PFKFB4: variants seen among roughly 807,000 people sequenced by gnomAD.
PFKFB4 encodes the protein 6-phosphofructo-2-kinase/fructose-2,6-biphosphatase 4.
Under a neutral mutation model 62.8 loss-of-function variants are expected in PFKFB4, and 42 were observed. The ratio of observed to expected loss-of-function variants is 0.67; its 90% CI spans 0.52 to 0.86. PFKFB4 has a LOEUF of 0.86. Ranked by LOEUF, PFKFB4 falls within the 40% of genes least tolerant of loss-of-function variation. The pLI is 0.00. For missense variants in PFKFB4, 475 were observed against 627.2 expected, an observed-to-expected ratio of 0.76 and a Z score of 2.59; for synonymous variants, 204 against 240.7, an observed-to-expected ratio of 0.85 and a Z score of 1.41.
intron 13 of PFKFB4, among the ~76,000 whole-genome samples, chr3:48,520,570 A>G (rs2042066635): frequency 6.6e-6 from 1 of 152,184 alleles, no homozygotes. Context: ...GGAGAGAGAC[A>G]TGGCCCCCAT....
Position 48,519,152 on chromosome 3 carries a change from G to A in PFKFB4, c.*595C>T, listed in dbSNP as rs1214172257. ...AATGCCCACAACTAAGGGTGACATG[G>A]ATACAACGGCCTGGCCAGTGGCTGC... On this transcript the variant is annotated 3_prime_UTR_variant, in exon 14 of 14. Coordinates refer to ENST00000232375, the MANE Select transcript of PFKFB4 (RefSeq NM_004567.4). 6.6e-6 allele frequency: 1 copy of A among 152,448 alleles called. No individual in the cohort carries two copies. The highest frequency in any genetic ancestry group is 6.5e-5 in the Admixed American group (1 of 15,288). The allele number at this position is 152,448 out of a possible 1,614,324, so 9.4% of individuals were successfully genotyped here. A position where few individuals can be genotyped will look rare whatever the true frequency, so the allele number is the denominator to read the frequency against.
In PFKFB4 at chr3:48,525,646, G is replaced by A. The variant is rs139739913; in HGVS notation, c.1011C>T (p.Tyr337=). 1.2e-4 allele frequency: 192 copies of A among 1,605,524 alleles called. 1 individual carries two copies. Among genetic ancestry groups the A allele is most frequent in the African/African-American group, 9.0e-4 (67 of 74,556 alleles). The change falls in exon 10 of 14, where the codon TAC becomes TAT. Residue 337 remains tyrosine, a synonymous_variant. Coordinates refer to ENST00000232375, the MANE Select transcript of PFKFB4 (RefSeq NM_004567.4). ...GTGGATAATTATCCTGAATTTCCTC[G>A]TAGGTCATTTCCTCACAGACGCCCT... is the stretch of plus-strand genomic sequence containing the variant. The part of the protein sequence containing the change: ...IDAGVCEEMT[Y]EEIQDNYPLE...
In PFKFB4 at chr3:48,518,435, C is replaced by T. The variant is rs1216209240; in HGVS notation, c.*1312G>A. 1.3e-5 allele frequency: 2 copies of T among 152,330 alleles called. No homozygotes were observed. The highest frequency in any genetic ancestry group is 2.9e-5 in the Non-Finnish European group (2 of 68,102). 9.4% of individuals were successfully genotyped at this position (152,330 alleles called of 1,614,324 possible). The stretch of plus-strand genomic sequence containing the variant: ...GGGGCCTGGCTTCCCCAGAGTCCAC[C>T]TGTGGACAGCAGGGCACCCGATTAC... On this transcript the variant is annotated 3_prime_UTR_variant, in exon 14 of 14. Coordinates refer to ENST00000232375, the MANE Select transcript of PFKFB4 (RefSeq NM_004567.4).
chr3:48,539,155 C>T (rs908795539), intron 6 of PFKFB4, 99 bp downstream of exon 6: 2 of 886,872 alleles, frequency 2.3e-6, no homozygotes, highest in African/African-American at 1.6e-5. Context: ...TTCCTCCCTA[C>T]CCCCACAAGG....
At chr3:48,538,035 A>G (rs1397951921) in intron 7 of PFKFB4, among the ~76,000 whole-genome samples, 1 of 152,210 alleles carries the variant, frequency 6.6e-6, no homozygotes, top group Non-Finnish European at 1.5e-5. Context: ...GTGGCCAGCC[A>G]GTCGAACTCA....
At chr3:48,527,598 CTG>C (rs1250111000) in intron 9 of PFKFB4, among the ~76,000 whole-genome samples, 3 of 151,488 alleles carry the variant, frequency 2.0e-5, no homozygotes, top group Non-Finnish European at 4.4e-5. Flanking sequence ...CTTGAAGAGA[CTG>C]TTAGTAGAAA....
rs569429512 is a variant in PFKFB4 at position 48,554,272 on chromosome 3, C to T, written c.97+2409G>A. ...ACTGTCCTTGCAGTCACTCAACCTA[C>T]AAGTCTACTATGCAAAGGGTAAAGT... On this transcript the variant is annotated intron_variant, in intron 1 of 13. Coordinates refer to ENST00000232375, the MANE Select transcript of PFKFB4 (RefSeq NM_004567.4). Among the ~76,000 whole-genome samples the T allele has an allele frequency of 3.8e-4, 58 of 152,354 alleles. 1 individual carries two copies. The highest frequency in any genetic ancestry group is 2.7e-3 in the South Asian group (13 of 4,832).
chr3:48,562,913 CGCG>C (rs752288852), upstream of PFKFB4: 113 of 1,603,874 alleles, frequency 7.0e-5, 1 homozygote, highest in African/African-American at 1.2e-3. The surrounding 1 kb of genome is among the most constrained non-coding windows in gnomAD (Gnocchi z 4.3). Context: ...TAGGACAATG[CGCG>C]AGCCAGGGTG....
chr3:48,539,731 G>T lies in PFKFB4; in HGVS notation c.419C>A (p.Thr140Asn). Residue 140 changes from threonine to asparagine, a missense_variant, in exon 5 of 14, where the codon ACC becomes AAC. Thr to Asn is a moderately conservative substitution (Grantham distance 65). Transcript: ENST00000232375. ...ATNTTRERRA[T>N]IFNFGEQNGY... Reference sequence around the variant, plus strand: ...ATTCTGTTCTCCAAAATTAAAGATGGTCGCTCTCCGTTCTCGGGTGGTGTT... The same window carrying T: ...ATTCTGTTCTCCAAAATTAAAGATGTTCGCTCTCCGTTCTCGGGTGGTGTT... The T allele has an allele frequency of 1.2e-6, 2 of 1,614,132 alleles. No individual in the cohort carries two copies. Among genetic ancestry groups the T allele is most frequent in the Non-Finnish European group, 1.7e-6 (2 of 1,180,000 alleles).
At chr3:48,542,282 C>T (rs1049200698) in intron 4 of PFKFB4, among the ~76,000 whole-genome samples, 2 of 147,444 alleles carry the variant, frequency 1.4e-5, no homozygotes, top group African/African-American at 5.0e-5. Context: ...TGTAGTGAGC[C>T]GAGATCACGC....
At chr3:48,546,442 T>C (rs2042968516) in intron 3 of PFKFB4, among the ~76,000 whole-genome samples, 1 of 152,170 alleles carries the variant, frequency 6.6e-6, no homozygotes, top group Non-Finnish European at 1.5e-5. Flanking sequence ...GGTGTGTACA[T>C]GTGCACAGAT....
At position 48,543,547 on chromosome 3, in the gene PFKFB4, C is replaced by T. The variant is rs750006081; in HGVS notation, c.378+33G>A. The T allele has an allele frequency of 3.2e-6, 5 of 1,575,506 alleles. No individual in the cohort carries two copies. In the Admixed American group the frequency reaches 9.0e-5, roughly 28 times the overall value. ...CAGATGTGGATGGGCTCCCATGTGT[C>T]ACTCCCAGCTGTCACCAGGGTGTCA... On this transcript the variant is annotated intron_variant, in intron 4 of 13. Transcript: ENST00000232375.
chr3:48,540,632 C>T (rs1359612428), intron 4 of PFKFB4, among the ~76,000 whole-genome samples: 4 of 152,110 alleles, frequency 2.6e-5, no homozygotes, highest in Non-Finnish European at 4.4e-5. Flanking sequence ...TTTTTTGAGA[C>T]AGGGTCTCAC....
At chr3:48,534,145 T>C (rs145532912) in intron 9 of PFKFB4, among the ~76,000 whole-genome samples, 2,375 of 152,238 alleles carry the variant, frequency 0.016, 48 homozygotes, top group Non-Finnish European at 0.017. Context: ...TTTGAAGACA[T>C]AGCAGTAGAA....
intron 10 of PFKFB4, among the ~76,000 whole-genome samples, chr3:48,524,366 T>C (rs1217620866): frequency 6.6e-6 from 1 of 152,154 alleles, no homozygotes; most frequent in African/African-American, 2.4e-5. Flanking sequence ...CCTGGCAGGT[T>C]TAGAGATTTT....
At chr3:48,552,458 T>C (rs540474419) in intron 1 of PFKFB4, among the ~76,000 whole-genome samples, 1 of 152,346 alleles carries the variant, frequency 6.6e-6, no homozygotes, top group Non-Finnish European at 1.5e-5. Flanking sequence ...GGAGACCCCA[T>C]GAAACAGGCT....
rs760014920 is a variant in PFKFB4 at position 48,525,589 on chromosome 3, G to T, written c.1068C>A (p.Tyr356Ter). ...LEFALRDQDK[Y>*]RYRYPKGESY... The stretch of plus-strand genomic sequence containing the variant: ...CCTCCCCTTTAGGGTACCGGTACCG[G>T]TACTTGTCCTGGTCCCGCAGGGCGA... Residue 356 changes from tyrosine to a stop codon, truncating the protein, a stop_gained, in exon 10 of 14, where the codon TAC (tyrosine) becomes TAA (stop). Transcript: ENST00000232375. LOFTEE classifies it high-confidence loss of function. The T allele has an allele frequency of 2.6e-5, 41 of 1,603,624 alleles. No individual in the cohort carries two copies. The highest frequency in any genetic ancestry group is 3.2e-5 in the Non-Finnish European group (38 of 1,173,514).
At position 48,519,800 on chromosome 3, in the gene PFKFB4, C is replaced by G; in HGVS notation, c.1357G>C (p.Asp453His). ...NTHRDRPQNV[D>H]ISRPPEEALV... Reference sequence around the variant, plus strand: ...GCTTCCTCTGGAGGTCTTGAGATGTCCACGTTCTGTACAATAAAAACACAG... The same window carrying G: ...GCTTCCTCTGGAGGTCTTGAGATGTGCACGTTCTGTACAATAAAAACACAG... Residue 453 changes from aspartate to histidine, a missense_variant, in exon 14 of 14, where the codon GAC (aspartate) becomes CAC (histidine). Asp to His is a moderately conservative substitution (Grantham distance 81). Transcript: ENST00000232375. The G allele has an allele frequency of 6.2e-7, 1 of 1,613,374 alleles. No homozygotes were observed. The highest frequency in any genetic ancestry group is 8.5e-7 in the Non-Finnish European group (1 of 1,179,404).
At chr3:48,540,013 G>A (rs924904929) in intron 4 of PFKFB4, among the ~76,000 whole-genome samples, 1 of 152,230 alleles carries the variant, frequency 6.6e-6, no homozygotes, top group Admixed American at 6.5e-5. Context: ...GGATGCCTGT[G>A]CTCCCAGCAG....
Sources: gnomAD v4.1 joint callset for allele counts (sites outside exome capture counted in the v4.1 genomes callset) on GRCh38, gnomAD v4.1.1 for gene constraint, Gnocchi (gnomAD v3.1) non-coding constraint, MANE v1.5 for transcripts, NCBI Gene and HGNC (gene_info 2026-07-23, HGNC 2026-07-21) for gene names.